KIF23: variants seen among roughly 807,000 people sequenced by gnomAD.
KIF23 encodes kinesin-like protein KIF23.
A neutral mutation model predicts 137.5 loss-of-function variants in KIF23; 30 were observed. The observed-to-expected ratio is 0.22, with a 90% CI of 0.16 to 0.30. The LOEUF (loss-of-function observed/expected upper bound fraction) is 0.30. Among genes scored for constraint, KIF23 ranks in the 10% least tolerant of loss-of-function variants. The probability of loss-of-function intolerance (pLI) is 1.00; values close to 1 mark genes in which losing one functional copy is unlikely to be tolerated. For synonymous variants in KIF23, 367 were observed against 391.1 expected (o/e 0.94, Z 0.73); for missense variants, 920 against 1,194.3 (o/e 0.77, Z 3.38).
chr15:69,424,341 T>G (rs573318380), intron 7 of KIF23, among the ~76,000 whole-genome samples: 1 of 152,338 alleles, frequency 6.6e-6, no homozygotes, highest in South Asian at 2.1e-4. Flanking sequence ...CTCTTAATAC[T>G]AAGAGTTTAT....
chr15:69,419,390 G>T (rs921903105), intron 3 of KIF23, among the ~76,000 whole-genome samples: 42 of 152,144 alleles, frequency 2.8e-4, no homozygotes, highest in Admixed American at 3.9e-4. Flanking sequence ...TGCTTCATCC[G>T]TCTCCCATCT....
chr15:69,441,025 G>A lies in KIF23; in HGVS notation c.2367G>A (p.Glu789=), dbSNP rs920770742. ...GGATGTACTGGACTGAAGGCAGGGA[G>A]GTGGTTCCTACATTCAGAAATGAGA... The part of the protein sequence containing the change: ...RRGMYWTEGR[E]VVPTFRNEIE... The change falls in exon 19 of 24, where the codon GAG becomes GAA. Residue 789 remains glutamate, a synonymous_variant. Transcript: ENST00000679126. The A allele has an allele frequency of 6.2e-7, 1 of 1,613,916 alleles. No homozygotes were observed.
At chr15:69,436,342 G>C in intron 14 of KIF23, 81 bp downstream of exon 14, 4 of 1,507,886 alleles carry the variant, frequency 2.7e-6, no homozygotes, top group Non-Finnish European at 3.6e-6. Flanking sequence ...TTTCATTTAA[G>C]AGAAATGTTT....
chr15:69,414,485 G>T lies in KIF23; in HGVS notation c.11+9G>T, dbSNP rs1287582147. The T allele has an allele frequency of 2.5e-6, 4 of 1,578,638 alleles. No homozygotes were observed. Among genetic ancestry groups the T allele is most frequent in the Admixed American group, 3.6e-5 (2 of 55,822 alleles). Reference sequence around the variant, plus strand: ...GCTGCCATGAAGTCAGCGTGAGTACGAGGCCGCCGAGCAGGGAGAGAGGGC... The same window carrying T: ...GCTGCCATGAAGTCAGCGTGAGTACTAGGCCGCCGAGCAGGGAGAGAGGGC... On this transcript the variant is annotated intron_variant, in intron 1 of 23. Coordinates refer to ENST00000679126, the MANE Select transcript of KIF23 (RefSeq NM_001367805.3).
At chr15:69,426,712 C>T in intron 10 of KIF23, 1 of 385,154 alleles carries the variant, frequency 2.6e-6, no homozygotes, top group Non-Finnish European at 4.7e-6. Flanking sequence ...AGAGTGAGAC[C>T]CTGTCTTGAA....
At chr15:69,434,853 C>A in intron 11 of KIF23, 1 of 806,674 alleles carries the variant, frequency 1.2e-6, no homozygotes, top group Non-Finnish European at 2.1e-6. Context: ...CAGGGCATAG[C>A]TGCTCACGTA....
At chr15:69,433,829 G>A (rs1454711317) in intron 11 of KIF23, among the ~76,000 whole-genome samples, 2 of 151,920 alleles carry the variant, frequency 1.3e-5, no homozygotes, top group South Asian at 2.1e-4. Context: ...ACTCAGAATC[G>A]ATGGGTCAGG....
rs2057740539 is a variant in KIF23, at chr15:69,446,355, A to G, written c.2829A>G (p.Val943=). 6 of 1,613,628 alleles carry G rather than the reference A, an allele frequency of 3.7e-6. No individual in the cohort carries two copies. In the East Asian group the frequency reaches 1.1e-4, roughly 30 times the overall value. The part of the protein sequence containing the change: ...PDGAESEWTD[V]ETRCSVAVEM... ...GTGCAGAGTCTGAATGGACCGATGTAGAAACAAGGGTAGGGGAAAAATTAA... is the reference window on the plus strand; with the variant it reads ...GTGCAGAGTCTGAATGGACCGATGTGGAAACAAGGGTAGGGGAAAAATTAA... The change falls in exon 22 of 24, where the codon GTA becomes GTG. Residue 943 remains valine, a synonymous_variant. Transcript: ENST00000679126.
intron 11 of KIF23, among the ~76,000 whole-genome samples, chr15:69,432,295 G>A (rs900051325): frequency 6.6e-6 from 1 of 152,210 alleles, no homozygotes; most frequent in South Asian, 2.1e-4. Flanking sequence ...CTGAGGGATA[G>A]GGTTTGGGCT....
At chr15:69,436,078 T>C in intron 13 of KIF23, 60 bp from the exon 14 acceptor site, 2 of 1,581,436 alleles carry the variant, frequency 1.3e-6, no homozygotes, top group South Asian at 2.3e-5. Flanking sequence ...CTTCATTTAG[T>C]AATTTCTGGG....
In KIF23 at chr15:69,417,459, A is replaced by T. The variant is rs1304099907; in HGVS notation, c.158A>T (p.Gln53Leu). 1.2e-6 allele frequency: 2 copies of T among 1,613,824 alleles called. No homozygotes were observed. The highest frequency in any genetic ancestry group is 1.7e-6 in the Non-Finnish European group (2 of 1,179,884). ...CIEVINNTTV[Q>L]LHTPEGYRLN... ...GAAGTGATCAATAATACAACTGTTCAGCTTCATACTCCTGAGGGCTACAGA... is the reference window on the plus strand; with the variant it reads ...GAAGTGATCAATAATACAACTGTTCTGCTTCATACTCCTGAGGGCTACAGA... The change falls in exon 3 of 24, where the codon CAG (glutamine) becomes CTG (leucine). Residue 53 changes from glutamine (Q) to leucine (L), a missense_variant. Coordinates refer to ENST00000679126, the MANE Select transcript of KIF23 (RefSeq NM_001367805.3).
Position 69,447,933 on chromosome 15 carries a change from C to G in KIF23, c.*126C>G. On this transcript the variant is annotated 3_prime_UTR_variant, in exon 24 of 24. Coordinates refer to ENST00000679126, the MANE Select transcript of KIF23 (RefSeq NM_001367805.3). ...CTTTGTTGAAAATCACGGACCTCAG[C>G]TACATCATACACTGACCCAGAGCAA... The G allele has an allele frequency of 2.2e-6, 2 of 890,726 alleles. No individual in the cohort carries two copies. The highest frequency in any genetic ancestry group is 3.6e-6 in the Non-Finnish European group (2 of 554,768). The allele number at this position is 890,726 out of a possible 1,614,324, so 55.2% of individuals were successfully genotyped here.
intron 10 of KIF23, among the ~76,000 whole-genome samples, chr15:69,426,932 T>C (rs2057209898): frequency 6.6e-6 from 1 of 152,180 alleles, no homozygotes; most frequent in African/African-American, 2.4e-5. Flanking sequence ...AACAACTTGT[T>C]ACATAGTGTT....
chr15:69,435,028 C>A, intron 11 of KIF23: 1 of 581,986 alleles, frequency 1.7e-6, no homozygotes. Flanking sequence ...TTGGCATCTC[C>A]CTGGTGTGGT....
In KIF23 at chr15:69,415,990, C is replaced by T. The variant is rs1162749589; in HGVS notation, c.12-4C>T. ...GTTATTATTATTTTTTAATCTATGA[C>T]CAGGAGAGCTAAGACACCCCGGAAA... is the stretch of plus-strand genomic sequence containing the variant. On this transcript the variant is annotated splice_region_variant and splice_polypyrimidine_tract_variant and intron_variant, in intron 1 of 23. Coordinates refer to ENST00000679126, the MANE Select transcript of KIF23 (RefSeq NM_001367805.3). The T allele has an allele frequency of 6.4e-7, 1 of 1,568,212 alleles. No individual in the cohort carries two copies. The highest frequency in any genetic ancestry group is 8.6e-7 in the Non-Finnish European group (1 of 1,164,784).
At position 69,440,431 on chromosome 15, in the gene KIF23, C is replaced by T. The variant is rs377162847; in HGVS notation, c.2053C>T (p.Arg685Trp). 1.4e-5 allele frequency: 22 copies of T among 1,613,466 alleles called. No individual in the cohort carries two copies. Among genetic ancestry groups the T allele is most frequent in the Middle Eastern group, 1.6e-4 (1 of 6,084 alleles). The change falls in exon 18 of 24, where the codon CGG becomes TGG. Residue 685 changes from arginine (R) to tryptophan (W), a missense_variant. By Grantham distance (101) the Arg-to-Trp change is moderately radical. This residue lies in a region of KIF23 where 714 missense variants were observed against 866.2 expected (regional missense o/e 0.82). Transcript: ENST00000679126. ...PKTEKPERPS[R>W]ERDREKVTQR... Reference sequence around the variant, plus strand: ...AACTGAGAAGCCAGAGAGACCCTCTCGGGAGCGAGATCGAGAAAAAGTTAC... The same window carrying T: ...AACTGAGAAGCCAGAGAGACCCTCTTGGGAGCGAGATCGAGAAAAAGTTAC...
At chr15:69,426,216 T>C in intron 9 of KIF23, 34 bp downstream of exon 9, 1 of 1,589,056 alleles carries the variant, frequency 6.3e-7, no homozygotes. Flanking sequence ...AAATACAGAA[T>C]GATGAATATC....
chr15:69,431,878 A>G (rs937409937), intron 11 of KIF23, among the ~76,000 whole-genome samples: 5 of 152,244 alleles, frequency 3.3e-5, no homozygotes, highest in Non-Finnish European at 7.3e-5. Flanking sequence ...GTTTAAGTCC[A>G]GTGGTGAGAA....
intron 1 of KIF23, chr15:69,414,876 G>GT: frequency 5.2e-6 from 1 of 193,130 alleles, no homozygotes; most frequent in Non-Finnish European, 1.0e-5. Flanking sequence ...CGGGTCGGAG[G>GT]TGGTCTCGTG....
Sources: gnomAD v4.1 joint callset for allele counts (sites outside exome capture counted in the v4.1 genomes callset) on GRCh38, gnomAD v4.1.1 for gene constraint, gnomAD v4.1.1 regional missense constraint, MANE v1.5 for transcripts, NCBI Gene and HGNC (gene_info 2026-07-23, HGNC 2026-07-21) for gene names.